MGA: variants seen among roughly 807,000 people sequenced by gnomAD.
MGA encodes the protein MAX dimerization protein MGA.
In MGA, 40 loss-of-function variants were observed where a neutral mutation model predicts 261.1. That is an observed-to-expected ratio of 0.15 (90% CI 0.12 to 0.20). MGA has a LOEUF of 0.20. MGA is among the 10% of genes least tolerant of loss of function. MGA has a pLI of 1.00. For missense variants in MGA, 3,397 were observed against 3,630.5 expected (o/e 0.94, Z 1.65); for synonymous variants, 1,302 against 1,290.6 (o/e 1.01, Z -0.19).
At chr15:41,700,570 T>C (rs2059797333) in intron 5 of MGA, among the ~76,000 whole-genome samples, 1 of 152,232 alleles carries the variant, frequency 6.6e-6, no homozygotes, top group African/African-American at 2.4e-5. Flanking sequence ...GCAAAGGGCA[T>C]GAACTCATTC....
chr15:41,742,727 G>T lies in MGA; in HGVS notation c.4767G>T (p.Val1589=), dbSNP rs2062189068. The T allele has an allele frequency of 6.2e-7, 1 of 1,613,878 alleles. No individual in the cohort carries two copies. Among genetic ancestry groups the T allele is most frequent in the Non-Finnish European group, 8.5e-7 (1 of 1,179,892 alleles). The change falls in exon 15 of 24, where the codon GTG becomes GTT. Residue 1589 remains valine, a synonymous_variant. Coordinates refer to ENST00000219905, the MANE Select transcript of MGA (RefSeq NM_001164273.2). Reference sequence around the variant, plus strand: ...TGGTTTCTTCTGAGCCAGTTCAGGTGTGCAGCCCTGTGACTGCTGCTGTCA... The same window carrying T: ...TGGTTTCTTCTGAGCCAGTTCAGGTTTGCAGCCCTGTGACTGCTGCTGTCA...
intron 1 of MGA, among the ~76,000 whole-genome samples, chr15:41,648,928 A>G (rs777626254): frequency 2.0e-5 from 3 of 152,194 alleles, no homozygotes; most frequent in Non-Finnish European, 4.4e-5. Flanking sequence ...GAGAGAAAAA[A>G]GAAAAGTCTG....
intron 5 of MGA, among the ~76,000 whole-genome samples, chr15:41,701,966 G>T (rs916638693): frequency 1.3e-5 from 2 of 151,322 alleles, no homozygotes; most frequent in African/African-American, 2.4e-5. Flanking sequence ...CCTGTTTTGG[G>T]TTTTTTTTCC....
At chr15:41,743,354 C>T (rs1472835294) in intron 15 of MGA, among the ~76,000 whole-genome samples, 182 bp downstream of exon 15, 1 of 152,168 alleles carries the variant, frequency 6.6e-6, no homozygotes, top group African/African-American at 2.4e-5. Context: ...TAATAGAGCT[C>T]ATGGTTAATA....
intron 9 of MGA, among the ~76,000 whole-genome samples, chr15:41,716,686 A>G (rs2060655926): frequency 6.6e-6 from 1 of 152,190 alleles, no homozygotes; most frequent in African/African-American, 2.4e-5. Context: ...TAAGCATTTT[A>G]TTTAGAATGA....
At chr15:41,635,518 C>G (rs557034392) in intron 1 of MGA, among the ~76,000 whole-genome samples, 4 of 151,696 alleles carry the variant, frequency 2.6e-5, no homozygotes, top group East Asian at 1.9e-4. Context: ...TAGTGAGACC[C>G]CCCCCCTCCT....
Position 41,707,835 on chromosome 15 carries a change from A to G in MGA, c.2296A>G (p.Thr766Ala), listed in dbSNP as rs1216395743. 5.0e-6 allele frequency: 8 copies of G among 1,613,656 alleles called. No individual in the cohort carries two copies. In the East Asian group the frequency reaches 1.1e-4, roughly 22 times the overall value. The change falls in exon 6 of 24, where the codon ACA becomes GCA. Residue 766 changes from threonine (T) to alanine (A), a missense_variant. By Grantham distance (58) the Thr-to-Ala change is moderately conservative. Coordinates refer to ENST00000219905, the MANE Select transcript of MGA (RefSeq NM_001164273.2). ...TACTAGCTTTCCTTTTTGGAACCTTACAGGAACCAACCCTGCCTCTCCTGG... is the reference window on the plus strand; with the variant it reads ...TACTAGCTTTCCTTTTTGGAACCTTGCAGGAACCAACCCTGCCTCTCCTGG...
At chr15:41,680,963 T>G (rs1011269155) in intron 2 of MGA, among the ~76,000 whole-genome samples, 17 of 152,150 alleles carry the variant, frequency 1.1e-4, no homozygotes, top group African/African-American at 4.1e-4. Context: ...CCTGGATCTA[T>G]TTAGGGGGTC....
chr15:41,643,327 G>A (rs1204172589), intron 1 of MGA, among the ~76,000 whole-genome samples: 1 of 151,324 alleles, frequency 6.6e-6, no homozygotes, highest in Non-Finnish European at 1.5e-5. Flanking sequence ...TGCAACCTCC[G>A]CCTCCCGGGT....
chr15:41,745,537 A>G (rs1162569117), intron 15 of MGA, among the ~76,000 whole-genome samples: 2 of 151,636 alleles, frequency 1.3e-5, no homozygotes, highest in Non-Finnish European at 2.9e-5. Context: ...CTTCTATAGT[A>G]CCATTTGAGG....
chr15:41,750,261 A>G lies in MGA; in HGVS notation c.6654A>G (p.Glu2218=). 1 of 1,614,030 alleles carries G rather than the reference A, an allele frequency of 6.2e-7. No homozygotes were observed. Among genetic ancestry groups the G allele is most frequent in the Non-Finnish European group, 8.5e-7 (1 of 1,179,898 alleles). ...AAAATTCAGATGTGTTTCAGCAAGAACAAGGCATCTCTGACTTACTTGGAA... is the reference window on the plus strand; with the variant it reads ...AAAATTCAGATGTGTTTCAGCAAGAGCAAGGCATCTCTGACTTACTTGGAA... Residue 2218 remains glutamate, a synonymous_variant, in exon 17 of 24, where the codon GAA becomes GAG. Transcript: ENST00000219905.
chr15:41,646,106 C>T (rs1261924693), intron 1 of MGA, among the ~76,000 whole-genome samples: 1 of 152,242 alleles, frequency 6.6e-6, no homozygotes, highest in East Asian at 1.9e-4. Context: ...AGCTCAATCA[C>T]TGCTTCAGAA....
Position 41,750,568 on chromosome 15 carries a change from G to A in MGA, c.6961G>A (p.Asp2321Asn). Reference sequence around the variant, plus strand: ...TGATGATTCTATTGATGAAATTGTGGATGTTGTTTCTGACTACCAGAGTGA... The same window carrying A: ...TGATGATTCTATTGATGAAATTGTGAATGTTGTTTCTGACTACCAGAGTGA... The change falls in exon 17 of 24, where the codon GAT becomes AAT. Residue 2321 changes from aspartate (D) to asparagine (N), a missense_variant. This residue lies in a region of MGA where 1,410 missense variants were observed against 1,386.4 expected (regional missense o/e 1.02). Transcript: ENST00000219905. 3 of 1,611,486 alleles carry A rather than the reference G, an allele frequency of 1.9e-6. No individual in the cohort carries two copies. The highest frequency in any genetic ancestry group is 2.5e-6 in the Non-Finnish European group (3 of 1,178,690).
chr15:41,698,808 T>C, intron 3 of MGA, 55 bp from the exon 4 acceptor site: 1 of 1,346,316 alleles, frequency 7.4e-7, no homozygotes, highest in Non-Finnish European at 1.0e-6. Flanking sequence ...CTGTTTTACA[T>C]TTAAGTTTTC....
chr15:41,623,684 G>A (rs916684440), intron 1 of MGA, among the ~76,000 whole-genome samples: 7 of 149,406 alleles, frequency 4.7e-5, no homozygotes, highest in South Asian at 4.2e-4. Flanking sequence ...TGGAGATCGC[G>A]CCATTGCACT....
chr15:41,702,290 T>C (rs540823684), intron 5 of MGA, among the ~76,000 whole-genome samples: 2 of 147,838 alleles, frequency 1.4e-5, no homozygotes, highest in Non-Finnish European at 3.0e-5. Context: ...GCCACCACAC[T>C]CCAGCCTGGG....
At chr15:41,748,243 C>T (rs2062617555) in intron 15 of MGA, among the ~76,000 whole-genome samples, 1 of 145,140 alleles carries the variant, frequency 6.9e-6, no homozygotes, top group Non-Finnish European at 1.5e-5. Flanking sequence ...CAAGTGCAAC[C>T]CTGCCTCTTT....
At chr15:41,711,810 C>T (rs1444712852) in intron 8 of MGA, among the ~76,000 whole-genome samples, 2 of 152,154 alleles carry the variant, frequency 1.3e-5, no homozygotes, top group African/African-American at 4.8e-5. Context: ...ATTCTCCTGC[C>T]TCAGCCTTTC....
chr15:41,699,950 T>C (rs1447649723), intron 5 of MGA, among the ~76,000 whole-genome samples: 1 of 152,022 alleles, frequency 6.6e-6, no homozygotes, highest in Non-Finnish European at 1.5e-5. Context: ...AAATTTTACT[T>C]TGAGTTCTGG....
Sources: allele counts gnomAD v4.1 joint callset (sites outside exome capture counted in the v4.1 genomes callset), GRCh38; gene constraint gnomAD v4.1.1; regional missense constraint gnomAD v4.1.1; transcripts MANE v1.5; gene names NCBI Gene and HGNC (gene_info 2026-07-23, HGNC 2026-07-21).